MTIF2: variants seen among roughly 807,000 people sequenced by gnomAD.
MTIF2 encodes the protein mitochondrial translational initiation factor 2.
Under a neutral mutation model 83.5 loss-of-function variants are expected in MTIF2, and 71 were observed. The ratio of observed to expected loss-of-function variants is 0.85; its 90% CI spans 0.70 to 1.04. The LOEUF is 1.04. Ranked by LOEUF, MTIF2 falls within the 50% of genes least tolerant of loss-of-function variation. The pLI is 0.00. For synonymous variants in MTIF2, 319 were observed against 287.1 expected (o/e 1.11, Z -1.12); for missense variants, 957 against 846.5 (o/e 1.13, Z -1.62).
At chr2:55,241,000 A>G in intron 13 of MTIF2, among the ~76,000 whole-genome samples, 1 of 142,578 alleles carries the variant, frequency 7.0e-6, no homozygotes, top group South Asian at 2.1e-4. Context: ...GTCAAGAGTT[A>G]TTTTTAAGAA....
At chr2:55,254,460 T>C (rs1327579491) in intron 6 of MTIF2, among the ~76,000 whole-genome samples, 194 bp downstream of exon 6, 2 of 152,208 alleles carry the variant, frequency 1.3e-5, no homozygotes, top group African/African-American at 4.8e-5. Context: ...ATTCAGCAAA[T>C]TTTTAAAAAA....
At chr2:55,239,089 G>A (rs950703656) in intron 14 of MTIF2, among the ~76,000 whole-genome samples, 20 of 152,210 alleles carry the variant, frequency 1.3e-4, no homozygotes, top group Non-Finnish European at 1.6e-4. Context: ...ATTAAATGGA[G>A]CTAGAGAGAT....
intron 13 of MTIF2, 23 bp from the exon 14 acceptor site, chr2:55,240,198 A>G (rs1301671338): frequency 2.5e-6 from 4 of 1,573,500 alleles, no homozygotes; most frequent in Admixed American, 3.4e-5. Context: ...AATATGATCA[A>G]TGAAGTAGCA....
At chr2:55,262,607 A>G (rs1237968741) in intron 4 of MTIF2, among the ~76,000 whole-genome samples, 180 bp from the exon 5 acceptor site, 1 of 148,512 alleles carries the variant, frequency 6.7e-6, no homozygotes, top group African/African-American at 2.5e-5. Context: ...CAGTTGCACA[A>G]TCTCAGCTCA....
intron 5 of MTIF2, among the ~76,000 whole-genome samples, chr2:55,256,026 G>T (rs771388624): frequency 1.3e-5 from 2 of 152,096 alleles, no homozygotes; most frequent in East Asian, 3.9e-4. Flanking sequence ...GCAAGTGCAC[G>T]CCACCATCCC....
rs193081445 is a variant in MTIF2 at position 55,246,535 on chromosome 2, G to C, written c.982-74C>G. 8,597 of 1,285,590 alleles carry C rather than the reference G, an allele frequency of 6.7e-3. 722 individuals are homozygous for C. In the Admixed American group the frequency reaches 0.15, roughly 22 times the overall value. 79.6% of individuals were successfully genotyped at this position (1,285,590 alleles called of 1,614,324 possible). On this transcript the variant is annotated intron_variant, in intron 9 of 15. Transcript: ENST00000263629. ...TAAATGTAAATGCCAGGGACAGAAAGTCACATAATACTTGCAAGTTATATT... is the reference window on the plus strand; with the variant it reads ...TAAATGTAAATGCCAGGGACAGAAACTCACATAATACTTGCAAGTTATATT...
intron 5 of MTIF2, among the ~76,000 whole-genome samples, chr2:55,257,785 T>C (rs546867436): frequency 6.6e-6 from 1 of 152,184 alleles, no homozygotes; most frequent in South Asian, 2.1e-4. Context: ...AGTGAAGAGT[T>C]GGTTTTGTTT....
chr2:55,262,717 ATTTTTTT>A (rs1294589919), intron 4 of MTIF2, among the ~76,000 whole-genome samples: 12 of 55,534 alleles, frequency 2.2e-4, no homozygotes, highest in Non-Finnish European at 6.4e-4. Flanking sequence ...TAATTTTTGT[ATTTTTTT>A]TTTTTGTTTT....
At chr2:55,267,867 G>C (rs1034960251) in intron 2 of MTIF2, 7 of 152,166 alleles carry the variant, frequency 4.6e-5, no homozygotes, top group African/African-American at 1.7e-4. Flanking sequence ...GTATGTGTGT[G>C]TAATCGAGCA....
chr2:55,246,613 G>A, intron 9 of MTIF2, 152 bp from the exon 10 acceptor site: 1 of 665,528 alleles, frequency 1.5e-6, no homozygotes, highest in Non-Finnish European at 2.4e-6. Context: ...AACAAAGAAA[G>A]GGAGGGAGGG....
At chr2:55,252,361 T>C (rs759618170) in intron 8 of MTIF2, 116 bp downstream of exon 8, 2 of 846,476 alleles carry the variant, frequency 2.4e-6, no homozygotes, top group Non-Finnish European at 3.7e-6. Context: ...TTGAGGCTTA[T>C]CTGTAATACA....
intron 4 of MTIF2, among the ~76,000 whole-genome samples, chr2:55,262,757 C>G (rs1678125196): frequency 1.3e-5 from 2 of 151,028 alleles, no homozygotes; most frequent in South Asian, 4.2e-4. Flanking sequence ...GAGACAGAGT[C>G]TAACTCTGTT....
Position 55,263,729 on chromosome 2 carries a change from A to C in MTIF2, c.130T>G (p.Trp44Gly), listed in dbSNP as rs755710758. 3.7e-6 allele frequency: 6 copies of C among 1,614,194 alleles called. No individual in the cohort carries two copies. The highest frequency in any genetic ancestry group is 5.1e-6 in the Non-Finnish European group (6 of 1,180,022). ...RHGFSSAYPV[W>G]TAQLCAWPWP... ...GGCCAGGCACACAGTTGAGCTGTCC[A>C]CACAGGGTAAGCAGATGAAAACCCA... The change falls in exon 4 of 16, where the codon TGG (tryptophan) becomes GGG (glycine). Residue 44 changes from tryptophan (W) to glycine (G), a missense_variant. Trp to Gly is a radical substitution (Grantham distance 184). This residue lies in a region of MTIF2 where 733 missense variants were observed against 648.7 expected (regional missense o/e 1.13). Coordinates refer to ENST00000263629, the MANE Select transcript of MTIF2 (RefSeq NM_002453.3).
chr2:55,247,476 C>T (rs1398700499), intron 9 of MTIF2, among the ~76,000 whole-genome samples: 1 of 152,092 alleles, frequency 6.6e-6, no homozygotes, highest in African/African-American at 2.4e-5. Flanking sequence ...TCACTTGAAC[C>T]CAGAGGCAGA....
chr2:55,256,417 A>C (rs1331354903), intron 5 of MTIF2, among the ~76,000 whole-genome samples: 1 of 151,954 alleles, frequency 6.6e-6, no homozygotes, highest in Non-Finnish European at 1.5e-5. Context: ...TTATTTTAAA[A>C]AAATTTTTGG....
chr2:55,243,440 T>G lies in MTIF2; in HGVS notation c.1540A>C (p.Asn514His). ...KPKEKRERDS[N>H]VLSVIIKGDV... The stretch of plus-strand genomic sequence containing the variant: ...CCTTTAATAATCACAGAAAGTACAT[T>G]TGAATCTCTTTCCCTTTTCTCTTTT... Residue 514 changes from asparagine (N) to histidine (H), a missense_variant, in exon 12 of 16, where the codon AAT (asparagine) becomes CAT (histidine). By Grantham distance (68) the Asn-to-His change is moderately conservative. This residue lies in a region of MTIF2 where 733 missense variants were observed against 648.7 expected (regional missense o/e 1.13). Coordinates refer to ENST00000263629, the MANE Select transcript of MTIF2 (RefSeq NM_002453.3). 1.9e-6 allele frequency: 3 copies of G among 1,608,842 alleles called. No homozygotes were observed. The highest frequency in any genetic ancestry group is 2.6e-6 in the Non-Finnish European group (3 of 1,176,458).
chr2:55,258,967 T>G (rs915271134), intron 5 of MTIF2, among the ~76,000 whole-genome samples: 1 of 151,584 alleles, frequency 6.6e-6, no homozygotes, highest in East Asian at 1.9e-4. Context: ...ACAACAAGAG[T>G]GAAACTCTGT....
At chr2:55,253,136 C>T (rs560612955) in intron 7 of MTIF2, among the ~76,000 whole-genome samples, 1 of 152,208 alleles carries the variant, frequency 6.6e-6, no homozygotes, top group South Asian at 2.1e-4. Context: ...GAAGAAGTAT[C>T]GGCTTCCTTA....
Position 55,254,193 on chromosome 2 carries a change from G to A in MTIF2, c.512C>T (p.Ala171Val), listed in dbSNP as rs967787654. The A allele has an allele frequency of 1.9e-6, 3 of 1,611,852 alleles. No individual in the cohort carries two copies. The part of the protein sequence containing the change: ...KNKDAVRRPQ[A>V]DPALLTPRSP... Reference sequence around the variant, plus strand: ...CCTTGGGGTTAATAAAGCTGGATCTGCCTGGGGCCTACAATTAACAGCAAA... The same window carrying A: ...CCTTGGGGTTAATAAAGCTGGATCTACCTGGGGCCTACAATTAACAGCAAA... Residue 171 changes from alanine (A) to valine (V), a missense_variant, in exon 7 of 16, where the codon GCA (alanine) becomes GTA (valine). Transcript: ENST00000263629.
Sources: gnomAD v4.1 joint callset for allele counts (sites outside exome capture counted in the v4.1 genomes callset) on GRCh38, gnomAD v4.1.1 for gene constraint, gnomAD v4.1.1 regional missense constraint, MANE v1.5 for transcripts, NCBI Gene and HGNC (gene_info 2026-07-23, HGNC 2026-07-21) for gene names.